Variants in INPP4B observed in about 807,000 individuals in gnomAD.
The protein encoded by INPP4B is inositol polyphosphate 4-phosphatase type II.
Under a neutral mutation model 122.5 loss-of-function variants are expected in INPP4B, and 55 were observed. The ratio of observed to expected loss-of-function variants is 0.45; its 90% CI spans 0.36 to 0.56. The LOEUF (loss-of-function observed/expected upper bound fraction) is 0.56, where lower values mean the gene tolerates loss of function less well. Ranked by LOEUF, INPP4B falls within the 20% of genes least tolerant of loss-of-function variation. The pLI is 0.00. For synonymous variants in INPP4B, 403 were observed against 388.7 expected, an observed-to-expected ratio of 1.04 and a Z score of -0.43; for missense variants, 1,000 against 1,097.7, an observed-to-expected ratio of 0.91 and a Z score of 1.26.
chr4:142,096,553 G>A (rs774894305), intron 23 of INPP4B, among the ~76,000 whole-genome samples: 4 of 151,822 alleles, frequency 2.6e-5, no homozygotes, highest in Non-Finnish European at 4.4e-5. Context: ...CATGCATTGA[G>A]GAAATAAAAA....
At chr4:142,387,503 A>G (rs954293427) in intron 7 of INPP4B, among the ~76,000 whole-genome samples, 5 of 151,526 alleles carry the variant, frequency 3.3e-5, no homozygotes, top group African/African-American at 4.9e-5. Context: ...AAGAAAGAAA[A>G]AAAGATTTTC....
chr4:142,635,161 C>A lies in INPP4B; in HGVS notation c.-191+90678G>T, dbSNP rs140092653. Among the ~76,000 whole-genome samples, 280 of 152,078 alleles carry A rather than the reference C, an allele frequency of 1.8e-3. 2 individuals are homozygous for A. The highest frequency in any genetic ancestry group is 6.2e-3 in the African/African-American group (256 of 41,484). On this transcript the variant is annotated intron_variant, in intron 2 of 25. Transcript: ENST00000262992. ...GCAAATCAAAACCACTATGAGATAC[C>A]ATCTCACACTAGTCAGAATGGCTAT...
At chr4:142,429,107 C>G in intron 5 of INPP4B, 66 bp downstream of exon 5, 1 of 833,228 alleles carries the variant, frequency 1.2e-6, no homozygotes, top group Non-Finnish European at 2.0e-6. Context: ...AGCAATCTAC[C>G]TATACTTTGC....
At chr4:142,505,966 C>G (rs983695733) in intron 2 of INPP4B, among the ~76,000 whole-genome samples, 2 of 152,078 alleles carry the variant, frequency 1.3e-5, no homozygotes, top group Non-Finnish European at 2.9e-5. Flanking sequence ...TTTCACCCAC[C>G]ACATGCCAGG....
At position 142,131,798 on chromosome 4, in the gene INPP4B, A is replaced by G. The variant is rs151094733; in HGVS notation, c.1721-7038T>C. On this transcript the variant is annotated intron_variant, in intron 18 of 25. Transcript: ENST00000262992. ...TGGAGAAACCCCGTCTCTACTGAAA[A>G]TACAAAATTAGATGGGCATGGTGGC... 2.7e-4 allele frequency among the ~76,000 whole-genome samples: 41 copies of G among 152,282 alleles called. No homozygotes were observed. The East Asian group carries it at 7.7e-3, about 29-fold the overall frequency.
intron 9 of INPP4B, among the ~76,000 whole-genome samples, chr4:142,298,293 T>C (rs1759705657): frequency 2.0e-5 from 3 of 152,134 alleles, no homozygotes; most frequent in African/African-American, 7.2e-5. Context: ...TAGACCTGTC[T>C]GAAAACGGGA....
At chr4:142,712,990 C>T (rs1763299231) in intron 2 of INPP4B, among the ~76,000 whole-genome samples, 1 of 152,080 alleles carries the variant, frequency 6.6e-6, no homozygotes, top group Admixed American at 6.6e-5. Flanking sequence ...TTTGCTAGAA[C>T]CTAAGGAAAG....
chr4:142,634,022 T>A (rs1320276593), intron 2 of INPP4B, among the ~76,000 whole-genome samples: 2 of 149,728 alleles, frequency 1.3e-5, no homozygotes, highest in Non-Finnish European at 1.5e-5. Flanking sequence ...TAAGACCATG[T>A]CTCAGATAAA....
intron 12 of INPP4B, among the ~76,000 whole-genome samples, chr4:142,215,862 C>CAGCCTGG (rs1846925594): frequency 8.2e-6 from 1 of 122,428 alleles, no homozygotes; most frequent in Non-Finnish European, 1.6e-5. Context: ...CACTACACTC[C>CAGCCTGG]AGCCTGGGCA....
chr4:142,140,682 C>G (rs1453005689), intron 18 of INPP4B, among the ~76,000 whole-genome samples: 1 of 152,190 alleles, frequency 6.6e-6, no homozygotes, highest in African/African-American at 2.4e-5. Context: ...ACATCCATCT[C>G]TTCAGTAAAA....
chr4:142,525,903 C>G (rs893827675), intron 2 of INPP4B, among the ~76,000 whole-genome samples: 4 of 151,848 alleles, frequency 2.6e-5, no homozygotes, highest in African/African-American at 7.3e-5. Context: ...TCTAATTAAA[C>G]TAAAGAACTT....
intron 25 of INPP4B, among the ~76,000 whole-genome samples, chr4:142,067,660 T>C (rs1185156139): frequency 1.3e-5 from 2 of 152,080 alleles, no homozygotes; most frequent in Admixed American, 6.5e-5. Context: ...CTGAAAACCA[T>C]GGCACGAGAA....
intron 23 of INPP4B, among the ~76,000 whole-genome samples, chr4:142,094,019 A>T (rs3729592): frequency 0.26 from 39,204 of 152,164 alleles, 5,138 homozygotes; most frequent in East Asian, 0.3. Flanking sequence ...AGGGAGAAGA[A>T]TACGACGATA....
At chr4:142,806,872 T>C (rs933717729) in intron 1 of INPP4B, among the ~76,000 whole-genome samples, 3 of 145,356 alleles carry the variant, frequency 2.1e-5, no homozygotes, top group Non-Finnish European at 4.6e-5. Flanking sequence ...AGAAACAAGC[T>C]AAAGAGTGAG....
At chr4:142,598,783 C>T (rs997002166) in intron 2 of INPP4B, among the ~76,000 whole-genome samples, 8 of 152,290 alleles carry the variant, frequency 5.3e-5, no homozygotes, top group African/African-American at 1.9e-4. Flanking sequence ...TGTGAGCTGC[C>T]TCTGTGCTCA....
intron 23 of INPP4B, among the ~76,000 whole-genome samples, chr4:142,104,309 A>G (rs1176508866): frequency 6.6e-6 from 1 of 152,168 alleles, no homozygotes; most frequent in African/African-American, 2.4e-5. Flanking sequence ...AGTGATTTAC[A>G]GACGTACTAT....
At chr4:142,095,612 C>G (rs1781474996) in intron 23 of INPP4B, among the ~76,000 whole-genome samples, 1 of 152,038 alleles carries the variant, frequency 6.6e-6, no homozygotes, top group Admixed American at 6.6e-5. Context: ...CAGGAGCTCA[C>G]CTATAGGAGC....
Position 142,713,858 on chromosome 4 carries a change from C to T in INPP4B, c.-191+11981G>A, listed in dbSNP as rs576387118. ...CAAATGCTAATGTGTTAAAGTGTTA[C>T]CCTTTCCCTGGGTAAACTTTGGGCT... On this transcript the variant is annotated intron_variant, in intron 2 of 25. Transcript: ENST00000262992. 5.3e-5 allele frequency among the ~76,000 whole-genome samples: 8 copies of T among 152,274 alleles called. No individual in the cohort carries two copies. In the South Asian group the frequency reaches 1.4e-3, roughly 28 times the overall value.
chr4:142,385,370 C>T (rs1795612687), intron 7 of INPP4B, among the ~76,000 whole-genome samples: 1 of 140,462 alleles, frequency 7.1e-6, no homozygotes, highest in Non-Finnish European at 1.5e-5. Context: ...GATACTGAAC[C>T]TTAAAAAAAA....
Sources: allele counts gnomAD v4.1 joint callset (sites outside exome capture counted in the v4.1 genomes callset), GRCh38; gene constraint gnomAD v4.1.1; transcripts MANE v1.5; gene names NCBI Gene and HGNC (gene_info 2026-07-23, HGNC 2026-07-21).